EFHC2: variants seen among roughly 807,000 people sequenced by gnomAD.
EFHC2 encodes the protein EF-hand domain-containing family member C2.
In EFHC2, 18 loss-of-function variants were observed where a neutral mutation model predicts 52.7. That is an observed-to-expected ratio of 0.34 (90% CI 0.24 to 0.51). EFHC2 has a LOEUF of 0.51. EFHC2 is among the 20% of genes least tolerant of loss of function. The pLI is 0.97. For synonymous variants in EFHC2, 203 were observed against 204.1 expected (o/e 0.99, Z 0.04); for missense variants, 513 against 562.5 (o/e 0.91, Z 0.89).
intron 11 of EFHC2, among the ~76,000 whole-genome samples, chrX:44,197,659 A>G (rs1322413446): frequency 1.8e-5 from 2 of 112,140 alleles, no homozygotes; most frequent in Non-Finnish European, 3.8e-5. Context: ...TACAGAGCAC[A>G]TGCACAATAT....
chrX:44,292,788 C>A (rs1280105668), intron 2 of EFHC2, among the ~76,000 whole-genome samples: 4 of 109,415 alleles, frequency 3.7e-5, no homozygotes, highest in Non-Finnish European at 7.6e-5. Context: ...CACCTCCCCA[C>A]TCCTTTTCTT....
intron 1 of EFHC2, among the ~76,000 whole-genome samples, chrX:44,336,594 G>A (rs2038119299): frequency 1.8e-5 from 2 of 111,473 alleles, no homozygotes; most frequent in South Asian, 7.4e-4. Context: ...TTACATAAAA[G>A]TAAGCATCCT....
At chrX:44,302,226 C>T (rs2037874010) in intron 2 of EFHC2, among the ~76,000 whole-genome samples, 1 of 111,340 alleles carries the variant, frequency 9.0e-6, no homozygotes, top group South Asian at 3.7e-4. Context: ...TGTAGTGGTA[C>T]CTACAAAAGT....
intron 13 of EFHC2, among the ~76,000 whole-genome samples, chrX:44,174,654 G>T (rs1264031306): frequency 8.3e-4 from 85 of 102,331 alleles, no homozygotes; most frequent in Middle Eastern, 4.8e-3. Context: ...AAAAAAAAGG[G>T]GGGGGGAGGG....
intron 2 of EFHC2, among the ~76,000 whole-genome samples, chrX:44,290,216 T>G (rs915693388): frequency 9.0e-6 from 1 of 111,230 alleles, no homozygotes; most frequent in African/African-American, 3.3e-5. Context: ...CATCCCATTC[T>G]CCCCAGTTTT....
chrX:44,151,722 G>A (rs2036571874), intron 14 of EFHC2, among the ~76,000 whole-genome samples: 1 of 112,129 alleles, frequency 8.9e-6, no homozygotes, highest in African/African-American at 3.2e-5. Context: ...GTAGACATGA[G>A]TTTTGGAGGG....
chrX:44,283,063 C>T (rs1478090873), intron 2 of EFHC2, among the ~76,000 whole-genome samples: 2 of 111,927 alleles, frequency 1.8e-5, no homozygotes, highest in Non-Finnish European at 3.8e-5. Context: ...GCATCTAGGC[C>T]AGAAGCCCAC....
chrX:44,205,415 TA>T (rs201911623), intron 11 of EFHC2, among the ~76,000 whole-genome samples: 145 of 101,943 alleles, frequency 1.4e-3, no homozygotes, highest in African/African-American at 3.5e-3. Flanking sequence ...CAAATTAGAT[TA>T]AAAAAAAAAA....
chrX:44,251,238 C>CAAAA (rs746850685), intron 4 of EFHC2, among the ~76,000 whole-genome samples: 2 of 18,313 alleles, frequency 1.1e-4, no homozygotes, highest in African/African-American at 4.7e-4. Context: ...GACTCCATCT[C>CAAAA]AAAAAAAAAA....
At chrX:44,322,760 A>C (rs1158017731) in intron 1 of EFHC2, among the ~76,000 whole-genome samples, 1 of 112,274 alleles carries the variant, frequency 8.9e-6, no homozygotes, top group Non-Finnish European at 1.9e-5. Flanking sequence ...ATTGGCTTTT[A>C]GAGAGAACTG....
chrX:44,202,556 G>A (rs1449812080), intron 11 of EFHC2, among the ~76,000 whole-genome samples: 1 of 112,146 alleles, frequency 8.9e-6, no homozygotes, highest in Non-Finnish European at 1.9e-5. Flanking sequence ...ATTTATGGAT[G>A]AGAAGTTTCT....
intron 4 of EFHC2, among the ~76,000 whole-genome samples, chrX:44,251,369 C>T (rs2037445565): frequency 9.6e-6 from 1 of 103,928 alleles, no homozygotes; most frequent in Non-Finnish European, 2.0e-5. Context: ...ATCTCAGCAC[C>T]TTGGGAGGCC....
chrX:44,169,481 A>T (rs1417413038), intron 13 of EFHC2, among the ~76,000 whole-genome samples: 2 of 110,283 alleles, frequency 1.8e-5, no homozygotes, highest in African/African-American at 6.6e-5. Context: ...GGGTCTCACT[A>T]TGTTGCCAGG....
At chrX:44,162,798 C>T (rs2036667161) in intron 14 of EFHC2, among the ~76,000 whole-genome samples, 1 of 110,876 alleles carries the variant, frequency 9.0e-6, no homozygotes, top group African/African-American at 3.3e-5. Context: ...CAGCTACCAC[C>T]TCATCCCATA....
chrX:44,290,270 C>T (rs1195828145), intron 2 of EFHC2, among the ~76,000 whole-genome samples: 2 of 111,439 alleles, frequency 1.8e-5, no homozygotes, highest in African/African-American at 3.3e-5. Flanking sequence ...AGATTCCTCA[C>T]ATTTCATCCT....
intron 10 of EFHC2, among the ~76,000 whole-genome samples, chrX:44,231,718 T>C (rs2037279057): frequency 2.7e-5 from 3 of 112,037 alleles, no homozygotes. Context: ...ATTGGCACTG[T>C]ATGTATATAA....
chrX:44,309,344 C>T, intron 2 of EFHC2: 1 of 759,422 alleles, frequency 1.3e-6, no homozygotes, highest in Non-Finnish European at 2.1e-6. Flanking sequence ...TAAAAGAATT[C>T]TCTTTTGGAC....
At chrX:44,328,030 C>G (rs1250574192) in intron 1 of EFHC2, among the ~76,000 whole-genome samples, 1 of 111,647 alleles carries the variant, frequency 9.0e-6, no homozygotes, top group Admixed American at 9.5e-5. Flanking sequence ...TATTTTTGCT[C>G]TAAATAATTC....
intron 2 of EFHC2, among the ~76,000 whole-genome samples, chrX:44,312,040 T>TA (rs923709908): frequency 2.7e-5 from 3 of 112,320 alleles, no homozygotes; most frequent in East Asian, 2.8e-4. Flanking sequence ...ATGTGCCTGA[T>TA]AAAAAAGAGC....
Sources: allele counts gnomAD v4.1 joint callset (sites outside exome capture counted in the v4.1 genomes callset), GRCh38; gene constraint gnomAD v4.1.1; transcripts MANE v1.5; gene names NCBI Gene and HGNC (gene_info 2026-07-23, HGNC 2026-07-21).